The following CNTNAP2 variants were observed in gnomAD, a reference collection of about 807,000 sequenced individuals.
CNTNAP2 encodes contactin-associated protein-like 2.
CNTNAP2 carries 98 observed loss-of-function variants against 155.2 expected under a neutral mutation model. The observed-to-expected ratio is 0.63, with a 90% CI of 0.54 to 0.75. The LOEUF (loss-of-function observed/expected upper bound fraction) is 0.75, where lower values mean the gene tolerates loss of function less well. Among genes scored for constraint, CNTNAP2 ranks in the 30% least tolerant of loss-of-function variants. CNTNAP2 has a pLI of 0.00. For missense variants in CNTNAP2, 1,727 were observed against 1,688.1 expected (o/e 1.02, Z -0.40); for synonymous variants, 651 against 631.2 (o/e 1.03, Z -0.47).
chr7:148,318,890 A>G (rs555674740), intron 21 of CNTNAP2, among the ~76,000 whole-genome samples: 65 of 152,348 alleles, frequency 4.3e-4, no homozygotes, highest in African/African-American at 1.5e-3. Context: ...AGATCAAAGG[A>G]ATAAACCTGC....
At position 146,305,365 on chromosome 7, in the gene CNTNAP2, G is replaced by A. The variant is rs550346793; in HGVS notation, c.97+188392G>A. 2.0e-3 allele frequency among the ~76,000 whole-genome samples: 310 copies of A among 152,208 alleles called. 3 individuals carry two copies. The highest frequency in any genetic ancestry group is 7.0e-3 in the African/African-American group (291 of 41,550). On this transcript the variant is annotated intron_variant, in intron 1 of 23. Coordinates refer to ENST00000361727, the MANE Select transcript of CNTNAP2 (RefSeq NM_014141.6). ...AGGAGAAGAGGCGCTCTGATTTTTAGAATTTTCAGCTTTTCTGCTCTGGTT... is the reference window on the plus strand; with the variant it reads ...AGGAGAAGAGGCGCTCTGATTTTTAAAATTTTCAGCTTTTCTGCTCTGGTT...
chr7:146,136,962 G>T (rs183569159), intron 1 of CNTNAP2, among the ~76,000 whole-genome samples: 1 of 152,256 alleles, frequency 6.6e-6, no homozygotes, highest in East Asian at 1.9e-4. Context: ...AAAATGCTCT[G>T]CATGGCTATT....
At chr7:147,210,237 G>T (rs1000183003) in intron 8 of CNTNAP2, among the ~76,000 whole-genome samples, 2 of 151,872 alleles carry the variant, frequency 1.3e-5, no homozygotes, top group African/African-American at 4.8e-5. Flanking sequence ...GCTTTTATTG[G>T]TTAGTAGGCT....
At chr7:146,344,107 T>A (rs1021870402) in intron 1 of CNTNAP2, among the ~76,000 whole-genome samples, 3 of 152,178 alleles carry the variant, frequency 2.0e-5, no homozygotes, top group Admixed American at 6.6e-5. Flanking sequence ...TTCCTGCTAT[T>A]TAACTTTGAA....
chr7:146,921,050 T>C (rs2129219974), intron 3 of CNTNAP2, among the ~76,000 whole-genome samples: 1 of 152,304 alleles, frequency 6.6e-6, no homozygotes, highest in East Asian at 1.9e-4. Flanking sequence ...CTACATGTTG[T>C]ATGATTCCAT....
chr7:147,547,219 A>T (rs981723447), intron 11 of CNTNAP2, among the ~76,000 whole-genome samples: 1 of 152,196 alleles, frequency 6.6e-6, no homozygotes, highest in African/African-American at 2.4e-5. Context: ...TAATCCCTGT[A>T]TTACAGCTGA....
At chr7:147,134,534 C>CACAT (rs1433602836) in intron 8 of CNTNAP2, among the ~76,000 whole-genome samples, 1 of 151,428 alleles carries the variant, frequency 6.6e-6, no homozygotes, top group Non-Finnish European at 1.5e-5. Context: ...CATACATACA[C>CACAT]ACATACATAC....
intron 21 of CNTNAP2, among the ~76,000 whole-genome samples, chr7:148,317,211 C>T (rs1797706461): frequency 1.3e-5 from 2 of 152,166 alleles, no homozygotes; most frequent in Non-Finnish European, 2.9e-5. Flanking sequence ...CAGAATTAGC[C>T]AGGCGTGGTG....
chr7:147,205,697 A>G (rs981064768), intron 8 of CNTNAP2, among the ~76,000 whole-genome samples: 18 of 152,032 alleles, frequency 1.2e-4, no homozygotes, highest in African/African-American at 4.3e-4. Context: ...TTAAAAAAAA[A>G]AAGGAACTCA....
At chr7:147,675,007 TTG>T (rs976821102) in intron 13 of CNTNAP2, among the ~76,000 whole-genome samples, 6 of 152,072 alleles carry the variant, frequency 3.9e-5, no homozygotes, top group South Asian at 2.1e-4. Context: ...ACCACAAACT[TTG>T]TGTCTTAAAA....
At chr7:148,233,782 C>T (rs1796002666) in intron 20 of CNTNAP2, among the ~76,000 whole-genome samples, 3 of 152,202 alleles carry the variant, frequency 2.0e-5, no homozygotes, top group Non-Finnish European at 4.4e-5. Context: ...GTGTCCCTGT[C>T]CAAATCTCAT....
chr7:146,622,257 ATCTATCTATCTATCTATCTATC>A (rs930573888), intron 1 of CNTNAP2, among the ~76,000 whole-genome samples: 16 of 129,798 alleles, frequency 1.2e-4, no homozygotes, highest in African/African-American at 2.2e-4. Flanking sequence ...CTATCTATCT[ATCTATCTATCTATCTATCTATC>A]TATATATATA....
chr7:147,604,389 C>A (rs1367489293), intron 12 of CNTNAP2, among the ~76,000 whole-genome samples: 1 of 152,172 alleles, frequency 6.6e-6, no homozygotes, highest in Admixed American at 6.5e-5. Context: ...AAAAAACAGT[C>A]TATTGCAATT....
intron 15 of CNTNAP2, among the ~76,000 whole-genome samples, chr7:148,005,831 T>G (rs897302442): frequency 6.6e-6 from 1 of 152,188 alleles, no homozygotes; most frequent in Non-Finnish European, 1.5e-5. Flanking sequence ...TATTATTGCT[T>G]TGTTACTGAA....
chr7:147,486,373 G>A (rs1798511767), intron 11 of CNTNAP2, among the ~76,000 whole-genome samples: 1 of 152,098 alleles, frequency 6.6e-6, no homozygotes, highest in African/African-American at 2.4e-5. Flanking sequence ...GGGAAATCGT[G>A]TTAGTGTGAT....
chr7:147,913,970 TTGAC>T (rs1471346455), intron 14 of CNTNAP2, among the ~76,000 whole-genome samples: 2 of 152,272 alleles, frequency 1.3e-5, no homozygotes, highest in Admixed American at 6.5e-5. Flanking sequence ...ACTACATTCT[TTGAC>T]TGAATCCTTC....
At chr7:147,545,917 G>A (rs962936399) in intron 11 of CNTNAP2, among the ~76,000 whole-genome samples, 1 of 152,098 alleles carries the variant, frequency 6.6e-6, no homozygotes, top group African/African-American at 2.4e-5. Flanking sequence ...AAGTCTCCAA[G>A]ATCTGATGGT....
At chr7:147,215,055 C>G (rs1347886642) in intron 8 of CNTNAP2, among the ~76,000 whole-genome samples, 1 of 152,018 alleles carries the variant, frequency 6.6e-6, no homozygotes, top group Non-Finnish European at 1.5e-5. Context: ...GGGAAACTAC[C>G]CCCATGATCC....
intron 13 of CNTNAP2, among the ~76,000 whole-genome samples, chr7:147,717,479 G>T (rs969218986): frequency 2.2e-4 from 33 of 152,126 alleles, no homozygotes; most frequent in African/African-American, 7.7e-4. Flanking sequence ...CAGATTCAGA[G>T]GAGGGAAATA....
Sources: gnomAD v4.1 joint callset for allele counts (sites outside exome capture counted in the v4.1 genomes callset) on GRCh38, gnomAD v4.1.1 for gene constraint, MANE v1.5 for transcripts, NCBI Gene and HGNC (gene_info 2026-07-23, HGNC 2026-07-21) for gene names.